Variants in TBX15 observed in about 807,000 individuals in gnomAD.
The protein encoded by TBX15 is T-box transcription factor TBX15.
Under a neutral mutation model 53.9 loss-of-function variants are expected in TBX15, and 18 were observed. The observed-to-expected ratio is 0.33, with a 90% CI of 0.23 to 0.49. The LOEUF is 0.49. Among genes scored for constraint, TBX15 ranks in the 20% least tolerant of loss-of-function variants. The probability of loss-of-function intolerance (pLI) is 0.98; values close to 1 mark genes in which losing one functional copy is unlikely to be tolerated. For synonymous variants in TBX15, 295 were observed against 278.0 expected (o/e 1.06, Z -0.61); for missense variants, 692 against 749.5 (o/e 0.92, Z 0.90).
intron 1 of TBX15, 29 bp from the exon 2 acceptor site, chr1:118,931,861 G>A (rs1557889249): frequency 1.3e-6 from 2 of 1,549,544 alleles, no homozygotes. Context: ...AGCCTTAGGT[G>A]AGAAACTGCT....
At chr1:118,887,832 T>C (rs1423437596) in intron 7 of TBX15, among the ~76,000 whole-genome samples, 1 of 152,066 alleles carries the variant, frequency 6.6e-6, no homozygotes, top group Non-Finnish European at 1.5e-5. Context: ...AAAGCGTTCA[T>C]CTTACATCCA....
intron 1 of TBX15, among the ~76,000 whole-genome samples, chr1:118,934,594 G>C (rs1176353209): frequency 6.6e-6 from 1 of 152,184 alleles, no homozygotes; most frequent in Non-Finnish European, 1.5e-5. Flanking sequence ...AAATAACAAA[G>C]TACACAATGG....
intron 5 of TBX15, among the ~76,000 whole-genome samples, chr1:118,914,791 C>A (rs1455856888): frequency 6.6e-6 from 1 of 152,096 alleles, no homozygotes; most frequent in East Asian, 1.9e-4. Flanking sequence ...GGGTCTTACC[C>A]AAAGGAAAAT....
At chr1:118,932,813 T>G in intron 1 of TBX15, among the ~76,000 whole-genome samples, 1 of 152,198 alleles carries the variant, frequency 6.6e-6, no homozygotes, top group East Asian at 1.9e-4. Flanking sequence ...AAGAATTGTG[T>G]GTCCTAACAT....
intron 1 of TBX15, among the ~76,000 whole-genome samples, chr1:118,957,226 A>C (rs1267391108): frequency 1.1e-4 from 17 of 152,246 alleles, no homozygotes; most frequent in Admixed American, 1.1e-3. Flanking sequence ...ACTTGACAAT[A>C]ATCAAGGAAG....
chr1:118,932,553 G>A (rs185292514), intron 1 of TBX15, among the ~76,000 whole-genome samples: 1 of 152,280 alleles, frequency 6.6e-6, no homozygotes, highest in East Asian at 1.9e-4. Flanking sequence ...ATGAGTTCAG[G>A]AGACACCTTG....
In TBX15 at chr1:118,984,313, C is replaced by T. The variant is rs1048535101; in HGVS notation, c.205+3278G>A. Reference sequence around the variant, plus strand: ...GGAACGCAGCTGCTGTGTGGCCCGGCCCGAAGTTTCTGGAGGAGGAAATCC... The same window carrying T: ...GGAACGCAGCTGCTGTGTGGCCCGGTCCGAAGTTTCTGGAGGAGGAAATCC... On this transcript the variant is annotated intron_variant, in intron 1 of 7. Transcript: ENST00000369429. Among the ~76,000 whole-genome samples the T allele has an allele frequency of 4.6e-5, 7 of 152,332 alleles. No individual in the cohort carries two copies. The East Asian group carries it at 1.3e-3, about 29-fold the overall frequency.
intron 1 of TBX15, among the ~76,000 whole-genome samples, chr1:118,973,200 G>C (rs1657294700): frequency 6.6e-6 from 1 of 152,156 alleles, no homozygotes; most frequent in African/African-American, 2.4e-5. Context: ...AGTGTGCCCA[G>C]GTCATGTGTT....
chr1:118,946,547 C>A (rs990319133), intron 1 of TBX15, among the ~76,000 whole-genome samples: 1 of 151,994 alleles, frequency 6.6e-6, no homozygotes, highest in African/African-American at 2.4e-5. Context: ...ATGCTTTTTC[C>A]CTCAGCCAGA....
intron 6 of TBX15, among the ~76,000 whole-genome samples, chr1:118,902,658 G>A (rs199877030): frequency 1.3e-5 from 2 of 152,094 alleles, no homozygotes; most frequent in East Asian, 3.9e-4. Flanking sequence ...TTAACTTCAG[G>A]TTCAGAGAGG....
intron 3 of TBX15, 86 bp downstream of exon 3, chr1:118,926,424 G>T: frequency 8.3e-7 from 1 of 1,202,078 alleles, no homozygotes; most frequent in Non-Finnish European, 1.2e-6. Flanking sequence ...AGCATGCATT[G>T]CTAAACTATT....
In TBX15 at chr1:118,885,530, C is replaced by T. The variant is rs1653910473; in HGVS notation, c.1025-14G>A. 4 of 1,563,598 alleles carry T rather than the reference C, an allele frequency of 2.6e-6. No homozygotes were observed. The highest frequency in any genetic ancestry group is 2.6e-6 in the Non-Finnish European group (3 of 1,152,826). ...CTGTGCTGCCTCCTGAAAAATAAAA[C>T]GTGAATACTATTGAGACAGAGTCTT... On this transcript the variant is annotated splice_polypyrimidine_tract_variant and intron_variant, in intron 7 of 7. Coordinates refer to ENST00000369429, the MANE Select transcript of TBX15 (RefSeq NM_001330677.2).
At chr1:118,903,084 T>C (rs1015997044) in intron 6 of TBX15, among the ~76,000 whole-genome samples, 3 of 152,102 alleles carry the variant, frequency 2.0e-5, no homozygotes, top group African/African-American at 7.2e-5. Context: ...CTCTTGCTCA[T>C]TTTTTCCCTG....
intron 7 of TBX15, among the ~76,000 whole-genome samples, chr1:118,886,980 G>T (rs948730000): frequency 1.3e-5 from 2 of 152,212 alleles, no homozygotes; most frequent in Admixed American, 1.3e-4. Flanking sequence ...CCTTCAGTGT[G>T]TTCTCAGATA....
intron 1 of TBX15, among the ~76,000 whole-genome samples, chr1:118,955,699 A>G (rs1656666114): frequency 6.6e-6 from 1 of 152,198 alleles, no homozygotes; most frequent in Non-Finnish European, 1.5e-5. Flanking sequence ...AGGGAATCAC[A>G]TAAGGTCATC....
At chr1:118,981,251 A>G (rs1229423396) in intron 1 of TBX15, among the ~76,000 whole-genome samples, 6 of 152,012 alleles carry the variant, frequency 3.9e-5, no homozygotes, top group South Asian at 2.1e-4. Flanking sequence ...CCTAGGGGTG[A>G]CAAAACTTTT....
intron 1 of TBX15, among the ~76,000 whole-genome samples, chr1:118,953,314 A>T (rs1234654301): frequency 6.6e-6 from 1 of 152,208 alleles, no homozygotes. Context: ...CAAGACATAG[A>T]ATAAATACAA....
At chr1:118,968,394 A>T (rs1299123400) in intron 1 of TBX15, among the ~76,000 whole-genome samples, 1 of 152,008 alleles carries the variant, frequency 6.6e-6, no homozygotes, top group Admixed American at 6.6e-5. Flanking sequence ...TTTAGTAGAG[A>T]TGGGGTTTCA....
intron 6 of TBX15, chr1:118,901,545 A>T: frequency 2.5e-6 from 1 of 394,832 alleles, no homozygotes; most frequent in Non-Finnish European, 5.0e-6. Flanking sequence ...TTATTTAAGC[A>T]GTTAACTCTA....
Sources: allele counts gnomAD v4.1 joint callset (sites outside exome capture counted in the v4.1 genomes callset), GRCh38; gene constraint gnomAD v4.1.1; transcripts MANE v1.5; gene names NCBI Gene and HGNC (gene_info 2026-07-23, HGNC 2026-07-21).